The following SGMS1 variants were observed in gnomAD, a reference collection of about 807,000 sequenced individuals.
The protein encoded by SGMS1 is sphingomyelin synthase 1.
Under a neutral mutation model 46.2 loss-of-function variants are expected in SGMS1, and 13 were observed. The ratio of observed to expected loss-of-function variants is 0.28; its 90% CI spans 0.18 to 0.45. The LOEUF (loss-of-function observed/expected upper bound fraction) is 0.45. SGMS1 is among the 20% of genes least tolerant of loss of function. The pLI is 1.00. For synonymous variants in SGMS1, 203 were observed against 187.8 expected (o/e 1.08, Z -0.66); for missense variants, 324 against 519.9 (o/e 0.62, Z 3.66).
intron 3 of SGMS1, among the ~76,000 whole-genome samples, chr10:50,510,062 C>T (rs1837740281): frequency 6.6e-6 from 1 of 152,106 alleles, no homozygotes; most frequent in African/African-American, 2.4e-5. Flanking sequence ...TCAATCTTCT[C>T]CCCCATCACA....
At chr10:50,320,856 C>T (rs1168060557) in intron 8 of SGMS1, among the ~76,000 whole-genome samples, 1 of 152,224 alleles carries the variant, frequency 6.6e-6, no homozygotes, top group South Asian at 2.1e-4. Flanking sequence ...AGCAGAGGTG[C>T]CTCCGGTGTC....
intron 6 of SGMS1, among the ~76,000 whole-genome samples, chr10:50,422,551 G>A (rs1482757794): frequency 6.6e-6 from 1 of 152,146 alleles, no homozygotes; most frequent in African/African-American, 2.4e-5. Context: ...CGAATCCACT[G>A]TGGAGAACAG....
intron 5 of SGMS1, among the ~76,000 whole-genome samples, chr10:50,435,747 G>A (rs1043685705): frequency 3.0e-4 from 45 of 152,046 alleles, no homozygotes; most frequent in Non-Finnish European, 4.0e-4. Context: ...TGTCAGTTAT[G>A]TTAAAAACAA....
intron 3 of SGMS1, among the ~76,000 whole-genome samples, chr10:50,514,360 C>A (rs371315027): frequency 3.3e-5 from 5 of 152,172 alleles, no homozygotes; most frequent in Admixed American, 2.6e-4. Context: ...ACCGCCAGTT[C>A]TTTTAACTGA....
chr10:50,324,737 C>T (rs930004050), intron 8 of SGMS1, among the ~76,000 whole-genome samples: 3 of 152,226 alleles, frequency 2.0e-5, no homozygotes, highest in Admixed American at 1.3e-4. Context: ...GCAGAGCCAA[C>T]TTTCTATTCA....
At chr10:50,562,337 A>AGTGTGTGTGTGT (rs758431447) in intron 2 of SGMS1, among the ~76,000 whole-genome samples, 74 of 132,356 alleles carry the variant, frequency 5.6e-4, no homozygotes, top group African/African-American at 1.9e-3. Context: ...ACACTCTCTG[A>AGTGTGTGTGTGT]GTGTGTGTGT....
intron 3 of SGMS1, chr10:50,474,246 C>A (rs542710273): frequency 6.6e-6 from 1 of 152,186 alleles, no homozygotes; most frequent in Non-Finnish European, 1.5e-5. Context: ...AAGGATAAAA[C>A]CACCTTCTTT....
chr10:50,556,565 C>A (rs1838190837), intron 2 of SGMS1, among the ~76,000 whole-genome samples: 1 of 152,044 alleles, frequency 6.6e-6, no homozygotes. Context: ...AGCAAGGAGG[C>A]CAGAGTGAAT....
At chr10:50,346,337 T>C (rs1847910925) in intron 6 of SGMS1, among the ~76,000 whole-genome samples, 1 of 152,220 alleles carries the variant, frequency 6.6e-6, no homozygotes, top group Non-Finnish European at 1.5e-5. Context: ...CAGTAGCCAC[T>C]GTCCACTACA....
At chr10:50,445,266 G>A (rs1836996542) in intron 5 of SGMS1, among the ~76,000 whole-genome samples, 1 of 152,160 alleles carries the variant, frequency 6.6e-6, no homozygotes, top group Non-Finnish European at 1.5e-5. Flanking sequence ...TGGGCATACT[G>A]AATTATAAAG....
chr10:50,556,417 C>T (rs1371376277), intron 2 of SGMS1, among the ~76,000 whole-genome samples: 1 of 152,090 alleles, frequency 6.6e-6, no homozygotes. Flanking sequence ...AGAGTGGTCA[C>T]CAAAGGCCTC....
At chr10:50,546,681 T>C (rs1838103884) in intron 2 of SGMS1, among the ~76,000 whole-genome samples, 4 of 151,954 alleles carry the variant, frequency 2.6e-5, no homozygotes, top group Admixed American at 6.6e-5. Flanking sequence ...ATGAGAACAC[T>C]TGGACACAGG....
chr10:50,495,989 A>T (rs1837612153), intron 3 of SGMS1, among the ~76,000 whole-genome samples: 1 of 152,160 alleles, frequency 6.6e-6, no homozygotes, highest in Non-Finnish European at 1.5e-5. Context: ...TTTTTTAATT[A>T]AAAAATGAAC....
chr10:50,414,940 T>C (rs574126837), intron 6 of SGMS1, among the ~76,000 whole-genome samples: 22 of 152,340 alleles, frequency 1.4e-4, no homozygotes, highest in Middle Eastern at 3.4e-3. Flanking sequence ...TCCATATTTT[T>C]CCATCTTGAG....
chr10:50,347,403 A>C (rs1055503063), intron 6 of SGMS1, among the ~76,000 whole-genome samples: 2 of 152,222 alleles, frequency 1.3e-5, no homozygotes, highest in African/African-American at 4.8e-5. Context: ...ATGTAAAACC[A>C]AAGTACATCT....
chr10:50,457,862 G>A (rs1009820150), intron 5 of SGMS1, among the ~76,000 whole-genome samples: 10 of 152,168 alleles, frequency 6.6e-5, no homozygotes, highest in Non-Finnish European at 1.5e-4. Context: ...CTAAAATTCT[G>A]AGATTCATAT....
chr10:50,328,558 C>T (rs953566262), intron 7 of SGMS1, among the ~76,000 whole-genome samples: 29 of 152,132 alleles, frequency 1.9e-4, no homozygotes, highest in Admixed American at 1.8e-3. Context: ...TTTTAAAAAA[C>T]CATACAATTA....
intron 6 of SGMS1, among the ~76,000 whole-genome samples, chr10:50,406,865 T>G (rs1849022875): frequency 1.3e-5 from 2 of 151,908 alleles, no homozygotes; most frequent in Non-Finnish European, 2.9e-5. Context: ...TCACCACACC[T>G]AGGTAATTTT....
At chr10:50,515,620 G>A (rs1178645912) in intron 3 of SGMS1, among the ~76,000 whole-genome samples, 1 of 152,160 alleles carries the variant, frequency 6.6e-6, no homozygotes, top group South Asian at 2.1e-4. Context: ...AGAAGGCTAG[G>A]CAAAGCTCAC....
Sources: gnomAD v4.1 joint callset for allele counts (sites outside exome capture counted in the v4.1 genomes callset) on GRCh38, gnomAD v4.1.1 for gene constraint, MANE v1.5 for transcripts, NCBI Gene and HGNC (gene_info 2026-07-23, HGNC 2026-07-21) for gene names.